The following ATP6V1D variants were observed in gnomAD, a reference collection of about 807,000 sequenced individuals.
ATP6V1D encodes the protein ATPase H+ transporting V1 subunit D.
ATP6V1D carries 20 observed loss-of-function variants against 39.4 expected under a neutral mutation model. The ratio of observed to expected loss-of-function variants is 0.51; its 90% CI spans 0.36 to 0.74. The LOEUF (loss-of-function observed/expected upper bound fraction) is 0.74. ATP6V1D is among the 30% of genes least tolerant of loss of function. The probability of loss-of-function intolerance (pLI) is 0.00; values close to 1 mark genes in which losing one functional copy is unlikely to be tolerated. For missense variants in ATP6V1D, 228 were observed against 291.6 expected, an observed-to-expected ratio of 0.78 and a Z score of 1.59; for synonymous variants, 100 against 100.5, an observed-to-expected ratio of 0.99 and a Z score of 0.03.
chr14:67,357,806 C>G (rs2085695738), intron 1 of ATP6V1D, among the ~76,000 whole-genome samples: 1 of 152,118 alleles, frequency 6.6e-6, no homozygotes, highest in African/African-American at 2.4e-5. Context: ...AAGTGTTGGT[C>G]AGTGTAAACG....
chr14:67,342,856 A>G (rs2085595317), intron 7 of ATP6V1D, among the ~76,000 whole-genome samples: 1 of 152,106 alleles, frequency 6.6e-6, no homozygotes, highest in Non-Finnish European at 1.5e-5. Flanking sequence ...TTTAATAAAA[A>G]CTAAGTTTAT....
At chr14:67,338,910 T>C in intron 8 of ATP6V1D, 148 bp from the exon 9 acceptor site, 1 of 659,472 alleles carries the variant, frequency 1.5e-6, no homozygotes, top group Non-Finnish European at 2.3e-6. Context: ...GTAATTTATT[T>C]ATAATCCTTT....
intron 2 of ATP6V1D, among the ~76,000 whole-genome samples, chr14:67,351,845 G>C (rs2085655777): frequency 7.1e-6 from 1 of 141,098 alleles, no homozygotes; most frequent in Non-Finnish European, 1.5e-5. Context: ...TAAGTTAAAA[G>C]AAAAGGCGTG....
intron 6 of ATP6V1D, among the ~76,000 whole-genome samples, chr14:67,343,696 C>T (rs1012670375): frequency 3.3e-5 from 5 of 152,202 alleles, no homozygotes; most frequent in African/African-American, 1.2e-4. Context: ...GAGACCTTGC[C>T]TCTACAAGAA....
At position 67,341,070 on chromosome 14, in the gene ATP6V1D, G is replaced by A. The variant is rs531048614; in HGVS notation, c.524-552C>T. Reference sequence around the variant, plus strand: ...CTGCCTTGGCCTCCCAAAGTGCCGAGATTGCAGCCTCTGCCCAGCCGCCAC... The same window carrying A: ...CTGCCTTGGCCTCCCAAAGTGCCGAAATTGCAGCCTCTGCCCAGCCGCCAC... On this transcript the variant is annotated intron_variant, in intron 7 of 8. Transcript: ENST00000216442. 2.6e-3 allele frequency among the ~76,000 whole-genome samples: 401 copies of A among 152,334 alleles called. 5 individuals carry two copies. The highest frequency in any genetic ancestry group is 8.2e-3 in the African/African-American group (341 of 41,586).
chr14:67,353,840 T>C (rs1036246669), intron 1 of ATP6V1D: 5 of 152,262 alleles, frequency 3.3e-5, no homozygotes, highest in African/African-American at 1.2e-4. Flanking sequence ...CCAGGCTGGA[T>C]TGCAGTGGTA....
At chr14:67,356,997 T>C (rs1032316093) in intron 1 of ATP6V1D, among the ~76,000 whole-genome samples, 4 of 152,222 alleles carry the variant, frequency 2.6e-5, no homozygotes, top group Admixed American at 2.6e-4. Flanking sequence ...CCATGTTAAT[T>C]TTATTTTCCT....
chr14:67,358,673 C>G (rs911327763), intron 1 of ATP6V1D, among the ~76,000 whole-genome samples: 1 of 152,170 alleles, frequency 6.6e-6, no homozygotes, highest in South Asian at 2.1e-4. Flanking sequence ...GCACCCCAGC[C>G]TGGGAGACCC....
intron 8 of ATP6V1D, chr14:67,340,032 CAAAAAA>C (rs34358102): frequency 4.2e-5 from 3 of 71,786 alleles, no homozygotes; most frequent in East Asian, 3.1e-4. Context: ...CTCTGTCTCA[CAAAAAA>C]AAAAAAAAAA....
chr14:67,348,938 G>T, intron 4 of ATP6V1D, 99 bp downstream of exon 4: 1 of 1,138,074 alleles, frequency 8.8e-7, no homozygotes, highest in Admixed American at 2.3e-5. Context: ...TAAGTAGAAG[G>T]AAGAAACTAG....
intron 1 of ATP6V1D, among the ~76,000 whole-genome samples, chr14:67,356,944 C>T (rs1047282129): frequency 2.0e-5 from 3 of 152,192 alleles, no homozygotes; most frequent in Admixed American, 2.0e-4. Flanking sequence ...ATATTCCAGC[C>T]AGTTTATAGT....
At chr14:67,357,538 GTCTATTTTTGCC>G (rs2085693563) in intron 1 of ATP6V1D, among the ~76,000 whole-genome samples, 1 of 152,180 alleles carries the variant, frequency 6.6e-6, no homozygotes, top group Non-Finnish European at 1.5e-5. Flanking sequence ...GCCCAAAGAT[GTCTATTTTTGCC>G]TCTTAGTCTC....
intron 1 of ATP6V1D, among the ~76,000 whole-genome samples, chr14:67,355,766 T>G (rs2085681385): frequency 6.6e-6 from 1 of 151,012 alleles, no homozygotes; most frequent in Admixed American, 6.6e-5. Context: ...TTTGGGAGGC[T>G]AAGGTGGGTA....
intron 4 of ATP6V1D, among the ~76,000 whole-genome samples, chr14:67,348,365 C>T (rs1299393805): frequency 3.3e-5 from 5 of 152,014 alleles, no homozygotes; most frequent in African/African-American, 7.2e-5. Context: ...CCATCACACC[C>T]GGCCTAATTT....
chr14:67,349,103 T>C lies in ATP6V1D; in HGVS notation c.241A>G (p.Thr81Ala), dbSNP rs1412279405. 4.3e-6 allele frequency: 7 copies of C among 1,613,694 alleles called. No homozygotes were observed. The highest frequency in any genetic ancestry group is 5.9e-6 in the Non-Finnish European group (7 of 1,179,790). Residue 81 changes from threonine (T) to alanine (A), a missense_variant and splice_region_variant, in exon 4 of 9, where the codon ACT (threonine) becomes GCT (alanine). Transcript: ENST00000216442. The part of the protein sequence containing the change: ...EAKFTAGDFS[T>A]TVIQNVNKAQ... ...TTATTGACATTTTGGATAACTGTAG[T>C]GCTGCAGAAAAAGAGAAAGACTTTA...
intron 5 of ATP6V1D, among the ~76,000 whole-genome samples, chr14:67,347,107 G>A (rs2085624163): frequency 6.6e-6 from 1 of 151,974 alleles, no homozygotes; most frequent in Non-Finnish European, 1.5e-5. Flanking sequence ...CCTCAGCCCT[G>A]GAAGTAGCTG....
chr14:67,341,562 G>T (rs528581470), intron 7 of ATP6V1D, among the ~76,000 whole-genome samples: 6 of 149,550 alleles, frequency 4.0e-5, no homozygotes, highest in Admixed American at 1.3e-4. Context: ...GGAGGGAGGT[G>T]GGGGGGTCAG....
chr14:67,340,299 A>G, intron 8 of ATP6V1D, 141 bp downstream of exon 8: 2 of 683,200 alleles, frequency 2.9e-6, no homozygotes, highest in Non-Finnish European at 4.8e-6. Flanking sequence ...TCTGGTAATA[A>G]TATTTCTTGC....
At chr14:67,348,178 G>C (rs903742330) in intron 4 of ATP6V1D, among the ~76,000 whole-genome samples, 1 of 151,954 alleles carries the variant, frequency 6.6e-6, no homozygotes, top group South Asian at 2.1e-4. Flanking sequence ...GGGTCCAAGT[G>C]AGTCTCCTGC....
Sources: gnomAD v4.1 joint callset for allele counts (sites outside exome capture counted in the v4.1 genomes callset) on GRCh38, gnomAD v4.1.1 for gene constraint, MANE v1.5 for transcripts, NCBI Gene and HGNC (gene_info 2026-07-23, HGNC 2026-07-21) for gene names.